Variants in NTNG1 observed in about 807,000 individuals in gnomAD.
NTNG1 encodes netrin-G1.
A neutral mutation model predicts 54.0 loss-of-function variants in NTNG1; 16 were observed. The observed-to-expected ratio is 0.30, with a 90% confidence interval of 0.20 to 0.45. NTNG1 has a LOEUF of 0.45. Ranked by LOEUF, NTNG1 falls within the 20% of genes least tolerant of loss-of-function variation. The pLI, the probability that NTNG1 is intolerant of heterozygous loss-of-function variation, is 1.00. For synonymous variants in NTNG1, 255 were observed against 263.1 expected, an observed-to-expected ratio of 0.97 and a Z score of 0.30; for missense variants, 530 against 678.7, an observed-to-expected ratio of 0.78 and a Z score of 2.43.
chr1:107,476,264 G>A (rs1206087438), intron 7 of NTNG1, among the ~76,000 whole-genome samples: 3 of 152,046 alleles, frequency 2.0e-5, no homozygotes, highest in Non-Finnish European at 2.9e-5. Context: ...AAATGCTGAT[G>A]TTCTTCAGTT....
At chr1:107,311,564 A>G (rs1417572706) in intron 2 of NTNG1, among the ~76,000 whole-genome samples, 2 of 152,076 alleles carry the variant, frequency 1.3e-5, no homozygotes, top group African/African-American at 2.4e-5. Context: ...TACAAATTCC[A>G]TATACAACTC....
intron 7 of NTNG1, among the ~76,000 whole-genome samples, chr1:107,469,028 C>T (rs773366718): frequency 5.0e-5 from 7 of 139,074 alleles, no homozygotes; most frequent in Admixed American, 8.1e-5. Flanking sequence ...TCCCGGGAGG[C>T]GGAGGTTGCA....
At chr1:107,467,126 A>T (rs560984507) in intron 7 of NTNG1, among the ~76,000 whole-genome samples, 19 of 151,990 alleles carry the variant, frequency 1.3e-4, no homozygotes, top group African/African-American at 4.6e-4. Flanking sequence ...TCTTTACCTA[A>T]ACTTTTTTTT....
At chr1:107,268,979 C>G (rs1570544888) in intron 2 of NTNG1, among the ~76,000 whole-genome samples, 1 of 152,130 alleles carries the variant, frequency 6.6e-6, no homozygotes, top group Non-Finnish European at 1.5e-5. Flanking sequence ...GGTCTGTTTC[C>G]ACCCTTACTC....
chr1:107,254,941 G>A (rs1662835833), intron 2 of NTNG1, among the ~76,000 whole-genome samples: 1 of 152,092 alleles, frequency 6.6e-6, no homozygotes, highest in African/African-American at 2.4e-5. Context: ...AAAGACTAAA[G>A]AATCTTTCTA....
intron 3 of NTNG1, among the ~76,000 whole-genome samples, chr1:107,373,173 C>T (rs576671254): frequency 8.6e-5 from 13 of 152,018 alleles, no homozygotes; most frequent in African/African-American, 3.1e-4. Flanking sequence ...TCTTTTTCTG[C>T]ATTTGTTGGG....
intron 3 of NTNG1, among the ~76,000 whole-genome samples, chr1:107,387,940 AT>A (rs745753459): frequency 1.3e-5 from 2 of 152,186 alleles, no homozygotes; most frequent in African/African-American, 2.4e-5. Context: ...AGGCATCATC[AT>A]CACTGGAGAG....
chr1:107,176,747 A>G (rs59411466), intron 2 of NTNG1, among the ~76,000 whole-genome samples: 2,977 of 152,246 alleles, frequency 0.02, 99 homozygotes, highest in African/African-American at 0.068. Context: ...CAATACTACC[A>G]GTTTCTCCTC....
At chr1:107,235,382 A>T (rs1190840436) in intron 2 of NTNG1, among the ~76,000 whole-genome samples, 2 of 152,206 alleles carry the variant, frequency 1.3e-5, no homozygotes, top group African/African-American at 4.8e-5. Context: ...AATGACCTAC[A>T]TCTTCATACC....
chr1:107,239,071 G>C (rs768071666), intron 2 of NTNG1, among the ~76,000 whole-genome samples: 1 of 152,128 alleles, frequency 6.6e-6, no homozygotes, highest in Non-Finnish European at 1.5e-5. Flanking sequence ...AAGAAGTCTA[G>C]AAAGTGCTAT....
chr1:107,292,367 A>C (rs1385722703), intron 2 of NTNG1, among the ~76,000 whole-genome samples: 1 of 152,142 alleles, frequency 6.6e-6, no homozygotes, highest in Non-Finnish European at 1.5e-5. Flanking sequence ...TTAGAGCAGG[A>C]AATGTTACAG....
At position 107,172,172 on chromosome 1, in the gene NTNG1, C is replaced by G. The variant is rs1186942685; in HGVS notation, c.246+23333C>G. Reference sequence around the variant, plus strand: ...GTTGTATGACATAGGTATTATTATCCTCGAAACACTTGAGAACACTGAGAC... The same window carrying G: ...GTTGTATGACATAGGTATTATTATCGTCGAAACACTTGAGAACACTGAGAC... On this transcript the variant is annotated intron_variant, in intron 2 of 7. Coordinates refer to ENST00000370068, the MANE Select transcript of NTNG1 (RefSeq NM_001113226.3). Among the ~76,000 whole-genome samples, 4 of 152,158 alleles carry G rather than the reference C, an allele frequency of 2.6e-5. No homozygotes were observed. In the East Asian group the frequency reaches 7.7e-4, roughly 29 times the overall value.
intron 5 of NTNG1, among the ~76,000 whole-genome samples, chr1:107,429,655 G>T (rs974298627): frequency 6.6e-6 from 1 of 152,094 alleles, no homozygotes; most frequent in Admixed American, 6.6e-5. Flanking sequence ...AACAAAATTT[G>T]CAGTATCCTG....
At chr1:107,277,114 A>G (rs1420273334) in intron 2 of NTNG1, among the ~76,000 whole-genome samples, 1 of 152,196 alleles carries the variant, frequency 6.6e-6, no homozygotes, top group African/African-American at 2.4e-5. Flanking sequence ...GAATGTTTCA[A>G]ACAGCCAATC....
At chr1:107,328,336 T>TTTAATTTAATTTAAA (rs1395232701) in intron 3 of NTNG1, among the ~76,000 whole-genome samples, 5 of 152,114 alleles carry the variant, frequency 3.3e-5, no homozygotes, top group Non-Finnish European at 5.9e-5. Flanking sequence ...CTCATTTTAA[T>TTTAATTTAATTTAAA]TTACAGGGTA....
intron 2 of NTNG1, among the ~76,000 whole-genome samples, chr1:107,234,693 C>T (rs1485825692): frequency 6.6e-6 from 1 of 152,202 alleles, no homozygotes; most frequent in Non-Finnish European, 1.5e-5. Flanking sequence ...CTCTTAACAA[C>T]ATATTCTAAT....
intron 2 of NTNG1, among the ~76,000 whole-genome samples, chr1:107,277,406 A>G (rs996889977): frequency 1.3e-5 from 2 of 152,218 alleles, no homozygotes; most frequent in Admixed American, 1.3e-4. Flanking sequence ...ACAGTCTTGC[A>G]TCTAAACATA....
At chr1:107,179,336 G>C (rs1344954654) in intron 2 of NTNG1, among the ~76,000 whole-genome samples, 1 of 151,992 alleles carries the variant, frequency 6.6e-6, no homozygotes, top group African/African-American at 2.4e-5. Flanking sequence ...TCTTCTTCCT[G>C]TTCTTCATTT....
intron 1 of NTNG1, among the ~76,000 whole-genome samples, chr1:107,144,445 G>A (rs916096187): frequency 3.3e-5 from 5 of 152,070 alleles, no homozygotes; most frequent in African/African-American, 1.2e-4. Context: ...ATAATAAAAT[G>A]AATGCTGAAA....
Sources: gnomAD v4.1 joint callset for allele counts (sites outside exome capture counted in the v4.1 genomes callset) on GRCh38, gnomAD v4.1.1 for gene constraint, MANE v1.5 for transcripts, NCBI Gene and HGNC (gene_info 2026-07-23, HGNC 2026-07-21) for gene names.